Variants in PPM1L observed in about 807,000 individuals in gnomAD.
PPM1L encodes protein phosphatase, Mg2+/Mn2+ dependent 1L, also known as protein phosphatase 1L.
Under a neutral mutation model 31.4 loss-of-function variants are expected in PPM1L, and 13 were observed. That is an observed-to-expected ratio of 0.41 (90% CI 0.27 to 0.66). PPM1L has a LOEUF of 0.66. Ranked by LOEUF, PPM1L falls within the 30% of genes least tolerant of loss-of-function variation. PPM1L has a pLI of 0.29. For synonymous variants in PPM1L, 184 were observed against 175.4 expected (o/e 1.05, Z -0.39); for missense variants, 326 against 453.7 (o/e 0.72, Z 2.56).
intron 1 of PPM1L, chr3:160,939,663 G>A (rs1576727706): frequency 6.3e-6 from 1 of 159,712 alleles, no homozygotes; most frequent in Admixed American, 6.5e-5. Context: ...CAGCATGTAA[G>A]AAGTGCCTTT....
intron 1 of PPM1L, among the ~76,000 whole-genome samples, chr3:160,915,161 A>G (rs1241564871): frequency 6.6e-6 from 1 of 152,170 alleles, no homozygotes; most frequent in Non-Finnish European, 1.5e-5. Flanking sequence ...AGAAAACCCC[A>G]TCGTCTCAGC....
At chr3:161,016,838 A>C (rs1340468376) in intron 2 of PPM1L, among the ~76,000 whole-genome samples, 1 of 152,196 alleles carries the variant, frequency 6.6e-6, no homozygotes, top group Non-Finnish European at 1.5e-5. Flanking sequence ...AGACTTTCTG[A>C]GAGATTAACC....
At chr3:160,948,819 T>C (rs1456398874) in intron 1 of PPM1L, among the ~76,000 whole-genome samples, 1 of 152,094 alleles carries the variant, frequency 6.6e-6, no homozygotes, top group Non-Finnish European at 1.5e-5. Flanking sequence ...AACTCTGTCT[T>C]GGGGGACTCT....
At chr3:160,990,666 G>A (rs1717104910) in intron 2 of PPM1L, among the ~76,000 whole-genome samples, 1 of 152,086 alleles carries the variant, frequency 6.6e-6, no homozygotes, top group African/African-American at 2.4e-5. Context: ...CAAAGTGAAA[G>A]GTCCCTTCAT....
At chr3:161,057,880 C>T (rs2108103929) in intron 2 of PPM1L, among the ~76,000 whole-genome samples, 1 of 151,794 alleles carries the variant, frequency 6.6e-6, no homozygotes, top group South Asian at 2.1e-4. Flanking sequence ...ACCCAGGTTC[C>T]CATCAAAAGT....
intron 1 of PPM1L, among the ~76,000 whole-genome samples, chr3:160,801,930 C>T (rs17826376): frequency 0.049 from 7,461 of 152,128 alleles, 205 homozygotes; most frequent in East Asian, 0.072. Flanking sequence ...TTTTAGCCAC[C>T]GCCTAATCTG....
chr3:160,910,259 T>TCCCCCTTTCCCC (rs1713918670), intron 1 of PPM1L, among the ~76,000 whole-genome samples: 1 of 50,050 alleles, frequency 2.0e-5, no homozygotes, highest in Non-Finnish European at 3.4e-5. Flanking sequence ...CCCCTTCCCC[T>TCCCCCTTTCCCC]TTCCCCTTCC....
At chr3:160,970,658 C>T (rs891195834) in intron 2 of PPM1L, among the ~76,000 whole-genome samples, 4 of 151,842 alleles carry the variant, frequency 2.6e-5, no homozygotes, top group Admixed American at 6.6e-5. Context: ...GGGGTTTCAC[C>T]ATGTTTGCCA....
chr3:160,800,673 A>C (rs1432020467), intron 1 of PPM1L, among the ~76,000 whole-genome samples: 1 of 152,130 alleles, frequency 6.6e-6, no homozygotes, highest in Admixed American at 6.5e-5. Flanking sequence ...CTTGCAAGCC[A>C]GGTGATTTGT....
intron 1 of PPM1L, among the ~76,000 whole-genome samples, chr3:160,811,216 A>G (rs1379487194): frequency 2.6e-5 from 4 of 152,252 alleles, no homozygotes; most frequent in Admixed American, 2.6e-4. Flanking sequence ...TAAGAATGGA[A>G]TGTATATGAA....
At chr3:160,993,684 C>A (rs1717211204) in intron 2 of PPM1L, among the ~76,000 whole-genome samples, 1 of 152,134 alleles carries the variant, frequency 6.6e-6, no homozygotes, top group Non-Finnish European at 1.5e-5. Context: ...GTAAGCCTGA[C>A]ATGCCGCTAG....
At chr3:161,021,591 C>T (rs1247323909) in intron 2 of PPM1L, among the ~76,000 whole-genome samples, 4 of 151,890 alleles carry the variant, frequency 2.6e-5, no homozygotes, top group Admixed American at 6.6e-5. Flanking sequence ...TAATCTTCTG[C>T]CTCGTTCTAT....
chr3:161,037,065 G>T (rs1366555664), intron 2 of PPM1L, among the ~76,000 whole-genome samples: 1 of 152,182 alleles, frequency 6.6e-6, no homozygotes, highest in Non-Finnish European at 1.5e-5. Flanking sequence ...CATAAGCATG[G>T]TTTTAAAGGT....
chr3:161,040,234 A>C (rs908253442), intron 2 of PPM1L, among the ~76,000 whole-genome samples: 2 of 152,134 alleles, frequency 1.3e-5, no homozygotes, highest in African/African-American at 4.8e-5. Flanking sequence ...ATTTCTCTCG[A>C]GTGACACTTC....
intron 1 of PPM1L, among the ~76,000 whole-genome samples, chr3:160,925,773 A>G (rs550823692): frequency 2.0e-5 from 3 of 152,316 alleles, no homozygotes; most frequent in Non-Finnish European, 4.4e-5. Context: ...AATGAAGTCT[A>G]AAGAGTAAGT....
chr3:160,897,832 A>G (rs372160187), intron 1 of PPM1L, among the ~76,000 whole-genome samples: 4 of 152,194 alleles, frequency 2.6e-5, no homozygotes, highest in African/African-American at 7.2e-5. Flanking sequence ...TTTAATAACA[A>G]TACTCTCAGT....
intron 1 of PPM1L, among the ~76,000 whole-genome samples, chr3:160,862,733 C>CT (rs1711947848): frequency 1.3e-5 from 2 of 149,494 alleles, no homozygotes; most frequent in South Asian, 2.1e-4. Flanking sequence ...ACTGTCAAAT[C>CT]CCCAGTGAGT....
At chr3:160,994,481 C>T (rs1327503639) in intron 2 of PPM1L, among the ~76,000 whole-genome samples, 1 of 152,216 alleles carries the variant, frequency 6.6e-6, no homozygotes, top group Non-Finnish European at 1.5e-5. Flanking sequence ...CCTGTACAGC[C>T]TGTGTTCCAT....
intron 1 of PPM1L, among the ~76,000 whole-genome samples, chr3:160,766,852 C>T (rs114449053): frequency 0.016 from 2,426 of 151,654 alleles, 64 homozygotes; most frequent in African/African-American, 0.055. Flanking sequence ...CCTTGATACT[C>T]GAGTCTGTTA....
Sources: gnomAD v4.1 joint callset for allele counts (sites outside exome capture counted in the v4.1 genomes callset) on GRCh38, gnomAD v4.1.1 for gene constraint, MANE v1.5 for transcripts, NCBI Gene and HGNC (gene_info 2026-07-23, HGNC 2026-07-21) for gene names.